The following KAT8 variants were observed in gnomAD, a reference collection of about 807,000 sequenced individuals.
KAT8 encodes the protein lysine acetyltransferase 8.
Under a neutral mutation model 62.9 loss-of-function variants are expected in KAT8, and 40 were observed. That is an observed-to-expected ratio of 0.64 (90% CI 0.49 to 0.83). The LOEUF is 0.83. Among genes scored for constraint, KAT8 ranks in the 40% least tolerant of loss-of-function variants. KAT8 has a pLI of 0.00. For missense variants in KAT8, 387 were observed against 614.8 expected (o/e 0.63, Z 3.92); for synonymous variants, 278 against 254.5 (o/e 1.09, Z -0.88).
intron 3 of KAT8, chr16:31,123,934 G>A (rs1049917882): frequency 1.3e-5 from 2 of 152,212 alleles, no homozygotes; most frequent in Admixed American, 6.5e-5. Flanking sequence ...GCAACCAGCA[G>A]GGTGGATAAC....
chr16:31,130,682 C>G, intron 9 of KAT8, 64 bp from the exon 10 acceptor site: 1 of 1,610,278 alleles, frequency 6.2e-7, no homozygotes, highest in East Asian at 2.2e-5. Flanking sequence ...CATACCCTGT[C>G]ACCATCCTGG....
intron 5 of KAT8, among the ~76,000 whole-genome samples, chr16:31,127,737 C>T (rs575315157): frequency 7.9e-5 from 12 of 152,262 alleles, no homozygotes; most frequent in African/African-American, 2.4e-4. Context: ...GGCTGCTTCC[C>T]GAAGTGTGGA....
intron 5 of KAT8, among the ~76,000 whole-genome samples, chr16:31,127,741 G>A (rs994503174): frequency 6.6e-6 from 1 of 152,226 alleles, no homozygotes; most frequent in African/African-American, 2.4e-5. Flanking sequence ...GCTTCCCGAA[G>A]TGTGGAATCT....
At chr16:31,123,939 G>C (rs1223501320) in intron 3 of KAT8, 2 of 152,186 alleles carry the variant, frequency 1.3e-5, no homozygotes, top group Non-Finnish European at 2.9e-5. Flanking sequence ...CAGCAGGGTG[G>C]ATAACGGGCC....
chr16:31,122,738 G>A (rs61320757), intron 3 of KAT8: 47,495 of 151,768 alleles, frequency 0.31, 7,859 homozygotes, highest in South Asian at 0.68. Context: ...ATAATTAGCC[G>A]GGCGTGGTGG....
At chr16:31,119,259 C>T (rs1004531303) in intron 1 of KAT8, among the ~76,000 whole-genome samples, 10 of 152,124 alleles carry the variant, frequency 6.6e-5, no homozygotes, top group Admixed American at 5.9e-4. Flanking sequence ...AAGCGATTCT[C>T]CTGCCTCAAC....
intron 5 of KAT8, 55 bp downstream of exon 5, chr16:31,127,408 C>G: frequency 6.3e-7 from 1 of 1,594,164 alleles, no homozygotes; most frequent in Non-Finnish European, 8.6e-7. Flanking sequence ...GAGGCAGAGG[C>G]AGGCATGGAG....
At chr16:31,120,608 A>C in intron 3 of KAT8, 94 bp downstream of exon 3, 1 of 1,169,998 alleles carries the variant, frequency 8.5e-7, no homozygotes, top group Non-Finnish European at 1.2e-6. Flanking sequence ...ACCATAGCAA[A>C]TCCCATTTCT....
At chr16:31,128,710 G>A (rs2057551059) in intron 6 of KAT8, among the ~76,000 whole-genome samples, 1 of 152,206 alleles carries the variant, frequency 6.6e-6, no homozygotes, top group African/African-American at 2.4e-5. Context: ...CTTGCCTGAG[G>A]CTGCTTTTAG....
At chr16:31,122,257 T>TA (rs2057500343) in intron 3 of KAT8, 1 of 152,190 alleles carries the variant, frequency 6.6e-6, no homozygotes, top group Non-Finnish European at 1.5e-5. Context: ...GTGTTGCACT[T>TA]TATTAAGTGT....
chr16:31,130,275 G>A lies in KAT8; in HGVS notation c.921G>A (p.Glu307=), dbSNP rs1414060989. Residue 307 remains glutamate, a synonymous_variant, in exon 8 of 11, where the codon GAG becomes GAA. Coordinates refer to ENST00000219797, the MANE Select transcript of KAT8 (RefSeq NM_032188.3). The part of the protein sequence containing the change: ...HIVGYFSKEK[E]SPDGNNVACI... ...GCACCTGCCTCCTGCAGGAGAAGGA[G>A]TCCCCGGATGGAAACAATGTGGCCT... 6.2e-7 allele frequency: 1 copy of A among 1,614,174 alleles called. No homozygotes were observed.
chr16:31,126,149 GT>G (rs2057530168), intron 3 of KAT8: 1 of 152,278 alleles, frequency 6.6e-6, no homozygotes. Flanking sequence ...CTGAGGAAGT[GT>G]TTTCTGCTGG....
intron 3 of KAT8, chr16:31,124,145 T>G (rs1363287761): frequency 1.3e-5 from 2 of 152,248 alleles, no homozygotes; most frequent in Admixed American, 1.3e-4. Context: ...TTTAAAGAGA[T>G]GTGTGAGGAG....
chr16:31,128,246 T>C, intron 6 of KAT8, 107 bp downstream of exon 6: 1 of 835,546 alleles, frequency 1.2e-6, no homozygotes, highest in Non-Finnish European at 2.0e-6. Flanking sequence ...TGAGCCTCTA[T>C]GGGCAGAATG....
At chr16:31,127,900 A>G (rs1193081522) in intron 5 of KAT8, 150 bp from the exon 6 acceptor site, 5 of 644,294 alleles carry the variant, frequency 7.8e-6, no homozygotes, top group South Asian at 1.7e-5. Context: ...TCACTTTCCT[A>G]AGGCTGCTGG....
chr16:31,127,705 C>T (rs1264263680), intron 5 of KAT8, among the ~76,000 whole-genome samples: 5 of 152,164 alleles, frequency 3.3e-5, no homozygotes, highest in Admixed American at 1.3e-4. Flanking sequence ...CAGGAAGGGG[C>T]GCTCTCATCA....
chr16:31,118,942 G>A (rs2057472505), intron 1 of KAT8, among the ~76,000 whole-genome samples: 1 of 147,238 alleles, frequency 6.8e-6, no homozygotes, highest in Non-Finnish European at 1.5e-5. Context: ...GGATTGCCGT[G>A]GCACGATGAC....
At chr16:31,128,461 C>G (rs1477249661) in intron 6 of KAT8, among the ~76,000 whole-genome samples, 1 of 152,098 alleles carries the variant, frequency 6.6e-6, no homozygotes, top group Non-Finnish European at 1.5e-5. Context: ...ACAAGAATTG[C>G]TTGAACCTGG....
intron 3 of KAT8, chr16:31,121,085 T>TTTGTGTG (rs113125305): frequency 7.0e-6 from 1 of 142,992 alleles, no homozygotes; most frequent in Admixed American, 7.1e-5. Flanking sequence ...TAAATGGTTT[T>TTTGTGTG]TGTGTGTGTG....
Sources: gnomAD v4.1 joint callset for allele counts (sites outside exome capture counted in the v4.1 genomes callset) on GRCh38, gnomAD v4.1.1 for gene constraint, MANE v1.5 for transcripts, NCBI Gene and HGNC (gene_info 2026-07-23, HGNC 2026-07-21) for gene names.